The following BBS9 variants were observed in gnomAD, a reference collection of about 807,000 sequenced individuals.
The protein encoded by BBS9 is protein PTHB1.
BBS9 carries 89 observed loss-of-function variants against 117.7 expected under a neutral mutation model. The ratio of observed to expected loss-of-function variants is 0.76; its 90% CI spans 0.64 to 0.90. The LOEUF (loss-of-function observed/expected upper bound fraction) is 0.90, where lower values mean the gene tolerates loss of function less well. Ranked by LOEUF, BBS9 falls within the 40% of genes least tolerant of loss-of-function variation. The pLI is 0.00. For missense variants in BBS9, 982 were observed against 1,042.2 expected (o/e 0.94, Z 0.80); for synonymous variants, 379 against 370.9 (o/e 1.02, Z -0.25).
At chr7:33,308,646 C>T (rs865980123) in intron 9 of BBS9, among the ~76,000 whole-genome samples, 1 of 152,216 alleles carries the variant, frequency 6.6e-6, no homozygotes, top group Non-Finnish European at 1.5e-5. Context: ...GATTCTCCAT[C>T]TCAGTCAGTT....
intron 9 of BBS9, among the ~76,000 whole-genome samples, chr7:33,317,259 T>G (rs1351715747): frequency 1.3e-5 from 2 of 152,188 alleles, no homozygotes; most frequent in Non-Finnish European, 2.9e-5. Context: ...GTATGTAGAT[T>G]TATAGTGTAT....
chr7:33,194,562 T>C (rs1030616514), intron 5 of BBS9, among the ~76,000 whole-genome samples: 1 of 152,068 alleles, frequency 6.6e-6, no homozygotes, highest in Non-Finnish European at 1.5e-5. Flanking sequence ...GAAAAACGAA[T>C]GTTCATCATA....
At chr7:33,316,693 C>G (rs1810573893) in intron 9 of BBS9, among the ~76,000 whole-genome samples, 1 of 152,056 alleles carries the variant, frequency 6.6e-6, no homozygotes, top group Admixed American at 6.5e-5. Context: ...ATACTTCGCT[C>G]TGTGAAATGT....
intron 2 of BBS9, among the ~76,000 whole-genome samples, chr7:33,149,222 G>A (rs1792915431): frequency 6.6e-6 from 1 of 152,180 alleles, no homozygotes. Context: ...GATCAGGTGT[G>A]CAGATGGAAG....
At chr7:33,542,699 ATGTGTGTGTGTGTG>A (rs200416682) in intron 21 of BBS9, among the ~76,000 whole-genome samples, 2,103 of 145,948 alleles carry the variant, frequency 0.014, 69 homozygotes, top group African/African-American at 0.05. Context: ...CATTATATAT[ATGTGTGTGTGTGTG>A]TGTGTGTGTG....
intron 4 of BBS9, among the ~76,000 whole-genome samples, chr7:33,170,649 A>G (rs1322228577): frequency 1.3e-5 from 2 of 151,542 alleles, no homozygotes; most frequent in East Asian, 1.9e-4. Flanking sequence ...ATTAGGAAAA[A>G]AGGAAGTCAA....
intron 19 of BBS9, among the ~76,000 whole-genome samples, chr7:33,494,837 A>G (rs1308875072): frequency 6.6e-6 from 1 of 152,218 alleles, no homozygotes; most frequent in East Asian, 1.9e-4. Flanking sequence ...CACCAAGGCA[A>G]CTTCCAATTA....
chr7:33,507,166 G>A (rs1435293861), intron 20 of BBS9, among the ~76,000 whole-genome samples: 3 of 152,176 alleles, frequency 2.0e-5, no homozygotes, highest in African/African-American at 7.2e-5. Context: ...TACTGGAAGT[G>A]ATTTGTACAT....
rs562912425 is a variant in BBS9, at chr7:33,232,042, T to C, written c.443-25194T>C. Among the ~76,000 whole-genome samples the C allele has an allele frequency of 1.4e-4, 22 of 152,300 alleles. No individual in the cohort carries two copies. In the South Asian group the frequency reaches 4.6e-3, roughly 32 times the overall value. ...CAAAAATTAAGGACTGCATTGCAAG[T>C]ATAACTTATACTCCTCTTTTCTTCT... On this transcript the variant is annotated intron_variant, in intron 5 of 22. Transcript: ENST00000242067.
chr7:33,173,675 TTGG>T (rs1446322358), intron 4 of BBS9, among the ~76,000 whole-genome samples: 1 of 152,186 alleles, frequency 6.6e-6, no homozygotes, highest in African/African-American at 2.4e-5. Context: ...ATTTACATCT[TTGG>T]TGCAGTGTTG....
At chr7:33,595,812 A>T (rs1464544807) in intron 21 of BBS9, among the ~76,000 whole-genome samples, 1 of 152,216 alleles carries the variant, frequency 6.6e-6, no homozygotes, top group Non-Finnish European at 1.5e-5. Context: ...AAAATGTGGT[A>T]TGTATACACC....
At chr7:33,442,463 T>C (rs745680842) in intron 19 of BBS9, among the ~76,000 whole-genome samples, 7 of 152,220 alleles carry the variant, frequency 4.6e-5, no homozygotes, top group Non-Finnish European at 7.3e-5. Context: ...TGGCATGTAT[T>C]TGAAGTACTT....
intron 17 of BBS9, among the ~76,000 whole-genome samples, chr7:33,383,329 A>G (rs1483589275): frequency 1.3e-5 from 2 of 152,144 alleles, no homozygotes; most frequent in African/African-American, 4.8e-5. Flanking sequence ...TATTCTTGCA[A>G]TGGCTCTTTT....
At chr7:33,424,636 T>G (rs1833381534) in intron 19 of BBS9, among the ~76,000 whole-genome samples, 1 of 152,130 alleles carries the variant, frequency 6.6e-6, no homozygotes, top group South Asian at 2.1e-4. Flanking sequence ...AAAGCACATG[T>G]AATAAGACTT....
At chr7:33,151,666 C>T (rs1159986984) in intron 2 of BBS9, among the ~76,000 whole-genome samples, 4 of 152,006 alleles carry the variant, frequency 2.6e-5, no homozygotes, top group Non-Finnish European at 5.9e-5. Flanking sequence ...TCTCCTGCCT[C>T]AGCCTCCTGG....
chr7:33,595,420 A>G (rs1862580132), intron 21 of BBS9, among the ~76,000 whole-genome samples: 1 of 152,224 alleles, frequency 6.6e-6, no homozygotes. Context: ...TATGCAGCCA[A>G]CAAACATGAA....
chr7:33,376,859 C>T (rs1249938056), intron 17 of BBS9, among the ~76,000 whole-genome samples: 1 of 149,988 alleles, frequency 6.7e-6, no homozygotes, highest in African/African-American at 2.5e-5. Flanking sequence ...TGAAAAGTGT[C>T]TGTTCGTATC....
chr7:33,413,881 G>A (rs1345760321), intron 19 of BBS9, among the ~76,000 whole-genome samples: 4 of 152,010 alleles, frequency 2.6e-5, no homozygotes, highest in African/African-American at 7.2e-5. Flanking sequence ...AAAATTAGCC[G>A]GGCATGGTGG....
chr7:33,335,217 T>C (rs1224281797), intron 9 of BBS9, among the ~76,000 whole-genome samples: 1 of 152,076 alleles, frequency 6.6e-6, no homozygotes, highest in East Asian at 1.9e-4. Context: ...AACATCTTCT[T>C]TTCTCTCACA....
Sources: allele counts gnomAD v4.1 joint callset (sites outside exome capture counted in the v4.1 genomes callset), GRCh38; gene constraint gnomAD v4.1.1; transcripts MANE v1.5; gene names NCBI Gene and HGNC (gene_info 2026-07-23, HGNC 2026-07-21).